TRMT9B: variants seen among roughly 807,000 people sequenced by gnomAD.
TRMT9B encodes probable tRNA methyltransferase 9B.
A neutral mutation model predicts 11.5 loss-of-function variants in TRMT9B; 16 were observed. The observed-to-expected ratio is 1.39, with a 90% confidence interval of 0.94 to 2.11. The LOEUF is 2.11. Among genes scored for constraint, TRMT9B ranks in the 30% most tolerant of loss-of-function variants. TRMT9B has a pLI of 0.00. For missense variants in TRMT9B, 941 were observed against 553.8 expected, an observed-to-expected ratio of 1.70 and a Z score of -7.02; for synonymous variants, 274 against 192.4, an observed-to-expected ratio of 1.42 and a Z score of -3.51.
At chr8:13,014,435 G>T (rs915875836) in intron 4 of TRMT9B, among the ~76,000 whole-genome samples, 1 of 152,172 alleles carries the variant, frequency 6.6e-6, no homozygotes, top group South Asian at 2.1e-4. Context: ...AATTCTTGCT[G>T]CATCATCACG....
chr8:12,993,971 T>G (rs771506153), intron 2 of TRMT9B, among the ~76,000 whole-genome samples: 11 of 152,178 alleles, frequency 7.2e-5, no homozygotes, highest in Non-Finnish European at 1.0e-4. Context: ...ATGAGGATCT[T>G]TTCTTCAGGG....
chr8:12,965,746 C>T (rs553195337), intron 1 of TRMT9B, among the ~76,000 whole-genome samples: 3 of 152,138 alleles, frequency 2.0e-5, no homozygotes, highest in African/African-American at 4.8e-5. Flanking sequence ...GGCACAGCAA[C>T]TCACGCCTGT....
At chr8:12,975,518 C>G (rs1459019905) in intron 1 of TRMT9B, among the ~76,000 whole-genome samples, 1 of 152,084 alleles carries the variant, frequency 6.6e-6, no homozygotes, top group African/African-American at 2.4e-5. Flanking sequence ...AAGCAGATCA[C>G]TTGAGGCCAG....
chr8:13,018,576 T>C (rs1165454918), intron 4 of TRMT9B, among the ~76,000 whole-genome samples: 1 of 152,154 alleles, frequency 6.6e-6, no homozygotes, highest in Non-Finnish European at 1.5e-5. Flanking sequence ...ACAGTAGTCA[T>C]GTTCTATAAA....
At chr8:13,002,242 A>T (rs1270939153) in intron 2 of TRMT9B, among the ~76,000 whole-genome samples, 1 of 152,222 alleles carries the variant, frequency 6.6e-6, no homozygotes. Flanking sequence ...ATTTGCAAGG[A>T]ACCCAGTTTA....
chr8:12,948,813 AG>A (rs1260203482), intron 1 of TRMT9B, among the ~76,000 whole-genome samples: 5 of 152,106 alleles, frequency 3.3e-5, no homozygotes, highest in African/African-American at 1.2e-4. Context: ...ACAAAAACTT[AG>A]CCGGGCATGG....
At chr8:13,007,403 G>C (rs1810681680) in intron 3 of TRMT9B, 1 of 152,174 alleles carries the variant, frequency 6.6e-6, no homozygotes, top group South Asian at 2.1e-4. Context: ...TCTCACTCAA[G>C]GCCTACCCAC....
intron 3 of TRMT9B, among the ~76,000 whole-genome samples, chr8:13,009,699 A>C (rs1811227316): frequency 6.6e-6 from 1 of 152,198 alleles, no homozygotes; most frequent in Admixed American, 6.5e-5. Flanking sequence ...TATACTTTTA[A>C]TATATTGAGG....
intron 1 of TRMT9B, among the ~76,000 whole-genome samples, chr8:12,956,002 A>C (rs1430774058): frequency 6.6e-6 from 1 of 152,176 alleles, no homozygotes; most frequent in Non-Finnish European, 1.5e-5. Flanking sequence ...TCTCCACCCT[A>C]GGAAGCTGGT....
intron 3 of TRMT9B, 36 bp downstream of exon 3, chr8:13,006,392 AGGC>A (rs749297860): frequency 1.5e-6 from 1 of 665,100 alleles, no homozygotes; most frequent in Non-Finnish European, 2.6e-6. Context: ...ATAGGTAACC[AGGC>A]AGCCTCATCG....
At chr8:12,962,011 G>A (rs184002590) in intron 1 of TRMT9B, 2 of 152,272 alleles carry the variant, frequency 1.3e-5, no homozygotes, top group South Asian at 4.1e-4. Context: ...AGACACACCT[G>A]AAACCACAGA....
intron 1 of TRMT9B, among the ~76,000 whole-genome samples, chr8:12,951,088 G>A (rs1585047633): frequency 6.6e-6 from 1 of 152,160 alleles, no homozygotes; most frequent in East Asian, 1.9e-4. Context: ...TATTGTCATA[G>A]AAGCAATGGG....
At chr8:12,976,781 G>A (rs1380328041) in intron 1 of TRMT9B, among the ~76,000 whole-genome samples, 1 of 152,150 alleles carries the variant, frequency 6.6e-6, no homozygotes, top group African/African-American at 2.4e-5. Flanking sequence ...AGCCTGAAAG[G>A]GAAAGCGGAA....
Position 13,023,999 on chromosome 8 carries a change from A to G in TRMT9B, c.*1955A>G, listed in dbSNP as rs1350517941. On this transcript the variant is annotated 3_prime_UTR_variant, in exon 5 of 5. Transcript: ENST00000524591. ...GTAGTGGATGATTGAAAACATATAT[A>G]AGTGGAGTATAAATTAAAAATTAAT... 6.0e-6 allele frequency: 1 copy of G among 166,194 alleles called. No homozygotes were observed. The highest frequency in any genetic ancestry group is 1.5e-5 in the Non-Finnish European group (1 of 67,938). The allele number at this position is 166,194 out of a possible 1,614,324, so 10.3% of individuals were successfully genotyped here.
At chr8:13,005,588 A>G (rs1056838322) in intron 2 of TRMT9B, among the ~76,000 whole-genome samples, 1 of 152,244 alleles carries the variant, frequency 6.6e-6, no homozygotes, top group African/African-American at 2.4e-5. Flanking sequence ...TTAAAAATAA[A>G]TAAATAAGAA....
chr8:13,003,544 A>G (rs1445684657), intron 2 of TRMT9B, among the ~76,000 whole-genome samples: 1 of 152,048 alleles, frequency 6.6e-6, no homozygotes, highest in Non-Finnish European at 1.5e-5. Flanking sequence ...CACCGCTGAG[A>G]AACAGTGGGT....
chr8:12,993,686 C>A (rs1050326554), intron 2 of TRMT9B, among the ~76,000 whole-genome samples: 18 of 152,216 alleles, frequency 1.2e-4, no homozygotes, highest in Admixed American at 9.2e-4. Flanking sequence ...TCAGCAGATT[C>A]TTTTGCTCCA....
chr8:12,958,291 T>A (rs752719526), intron 1 of TRMT9B: 1 of 152,232 alleles, frequency 6.6e-6, no homozygotes, highest in Non-Finnish European at 1.5e-5. Flanking sequence ...CTGCCGTGAA[T>A]ATGAGTGTAC....
intron 2 of TRMT9B, among the ~76,000 whole-genome samples, chr8:13,004,129 G>C (rs1809977421): frequency 6.6e-6 from 1 of 151,990 alleles, no homozygotes. Flanking sequence ...CCTAGCCAGA[G>C]GGGAATTGCT....
Sources: gnomAD v4.1 joint callset for allele counts (sites outside exome capture counted in the v4.1 genomes callset) on GRCh38, gnomAD v4.1.1 for gene constraint, MANE v1.5 for transcripts, NCBI Gene and HGNC (gene_info 2026-07-23, HGNC 2026-07-21) for gene names.